The following CTNNA2 variants were observed in gnomAD, a reference collection of about 807,000 sequenced individuals.
CTNNA2 encodes catenin alpha-2.
In CTNNA2, 42 loss-of-function variants were observed where a neutral mutation model predicts 101.0. The ratio of observed to expected loss-of-function variants is 0.42; its 90% CI spans 0.32 to 0.54. The LOEUF (loss-of-function observed/expected upper bound fraction) is 0.54. CTNNA2 is among the 20% of genes least tolerant of loss of function. The probability of loss-of-function intolerance (pLI) is 0.14; values close to 1 mark genes in which losing one functional copy is unlikely to be tolerated. For synonymous variants in CTNNA2, 450 were observed against 456.4 expected (o/e 0.99, Z 0.18); for missense variants, 871 against 1,223.1 (o/e 0.71, Z 4.29).
At chr2:80,577,114 A>G (rs1173867748) in intron 13 of CTNNA2, among the ~76,000 whole-genome samples, 2 of 152,132 alleles carry the variant, frequency 1.3e-5, no homozygotes, top group East Asian at 1.9e-4. Context: ...TTATTCATTT[A>G]TTTGCTGAAA....
At chr2:80,163,523 G>A (rs1291835069) in intron 7 of CTNNA2, among the ~76,000 whole-genome samples, 1 of 152,030 alleles carries the variant, frequency 6.6e-6, no homozygotes, top group African/African-American at 2.4e-5. Flanking sequence ...TATGACCCAG[G>A]ATATGGTATA....
At chr2:79,471,904 A>T (rs553194485) in intron 4 of CTNNA2, among the ~76,000 whole-genome samples, 5 of 152,206 alleles carry the variant, frequency 3.3e-5, no homozygotes, top group African/African-American at 1.2e-4. Flanking sequence ...ATTGAATTTG[A>T]CCCTGGCCCC....
At chr2:80,371,329 A>G (rs1180822898) in intron 7 of CTNNA2, among the ~76,000 whole-genome samples, 1 of 152,226 alleles carries the variant, frequency 6.6e-6, no homozygotes, top group Non-Finnish European at 1.5e-5. Flanking sequence ...ACATTTACCC[A>G]TAGCAGTCAT....
At chr2:80,551,515 C>T (rs764279044) in intron 11 of CTNNA2, among the ~76,000 whole-genome samples, 35 of 152,220 alleles carry the variant, frequency 2.3e-4, no homozygotes, top group Non-Finnish European at 3.8e-4. Flanking sequence ...GATAACTTGG[C>T]ACAGGTTCTA....
chr2:79,434,592 G>T (rs1483385282), intron 4 of CTNNA2, among the ~76,000 whole-genome samples: 1 of 152,186 alleles, frequency 6.6e-6, no homozygotes, highest in Non-Finnish European at 1.5e-5. Flanking sequence ...TGAGGCTGGA[G>T]GGGCAAGGTC....
chr2:79,531,050 T>G (rs1474671072), intron 1 of CTNNA2, among the ~76,000 whole-genome samples: 1 of 151,846 alleles, frequency 6.6e-6, no homozygotes, highest in Non-Finnish European at 1.5e-5. Context: ...AAAGAAGATG[T>G]CAGTTATGCT....
intron 3 of CTNNA2, among the ~76,000 whole-genome samples, chr2:79,756,493 G>A (rs1234176549): frequency 1.3e-5 from 2 of 151,944 alleles, no homozygotes; most frequent in East Asian, 3.9e-4. Context: ...TATTAAACAG[G>A]GTGATGATTA....
chr2:79,269,519 C>T lies in CTNNA2; in HGVS notation c.-405-43190C>T, dbSNP rs12624029. ...TAGAACAGAATTTCTGAAGGCATAG[C>T]TTTGGAATCTGTACTTTTAAAAAAC... On this transcript the variant is annotated intron_variant, in intron 2 of 21. Transcript: ENST00000466387. 3.0e-3 allele frequency among the ~76,000 whole-genome samples: 450 copies of T among 152,250 alleles called. 12 individuals are homozygous for T. The East Asian group carries it at 0.061, about 21-fold the overall frequency.
At chr2:80,425,599 C>T (rs2149416609) in intron 9 of CTNNA2, among the ~76,000 whole-genome samples, 1 of 152,172 alleles carries the variant, frequency 6.6e-6, no homozygotes, top group African/African-American at 2.4e-5. Flanking sequence ...AAGAATCATT[C>T]ATAAATATGT....
chr2:79,333,408 A>C (rs1372350831), intron 3 of CTNNA2, among the ~76,000 whole-genome samples: 1 of 152,210 alleles, frequency 6.6e-6, no homozygotes, highest in Admixed American at 6.5e-5. Flanking sequence ...CAAATCTAGA[A>C]AAGAAGTAAA....
chr2:79,493,913 A>G (rs1185400868), intron 4 of CTNNA2: 2 of 152,160 alleles, frequency 1.3e-5, no homozygotes, highest in Non-Finnish European at 2.9e-5. Flanking sequence ...TAAAAGTTAA[A>G]ACAATTAAAA....
intron 7 of CTNNA2, among the ~76,000 whole-genome samples, chr2:80,021,973 A>G (rs1694595684): frequency 6.6e-6 from 1 of 152,246 alleles, no homozygotes; most frequent in Non-Finnish European, 1.5e-5. Context: ...TGAACAAAAT[A>G]TTCCCCACCT....
At chr2:80,415,247 C>T (rs1679938233) in intron 8 of CTNNA2, among the ~76,000 whole-genome samples, 1 of 152,142 alleles carries the variant, frequency 6.6e-6, no homozygotes, top group African/African-American at 2.4e-5. Flanking sequence ...CAACTCAAAG[C>T]ACCTCTATCT....
intron 7 of CTNNA2, among the ~76,000 whole-genome samples, chr2:80,044,096 C>T (rs1373848683): frequency 6.6e-6 from 1 of 152,154 alleles, no homozygotes; most frequent in Non-Finnish European, 1.5e-5. Flanking sequence ...AACAGGATTT[C>T]TGACTCAATT....
intron 2 of CTNNA2, among the ~76,000 whole-genome samples, chr2:79,249,986 A>G (rs1340764181): frequency 2.0e-5 from 3 of 152,148 alleles, no homozygotes; most frequent in Non-Finnish European, 2.9e-5. Flanking sequence ...TATCAGCTAC[A>G]TTTGCTACTG....
At chr2:80,571,157 T>G (rs980582343) in intron 12 of CTNNA2, among the ~76,000 whole-genome samples, 1 of 152,186 alleles carries the variant, frequency 6.6e-6, no homozygotes, top group Non-Finnish European at 1.5e-5. Flanking sequence ...CCCCTTTATA[T>G]TCGAGAAAGG....
intron 9 of CTNNA2, among the ~76,000 whole-genome samples, chr2:80,526,634 C>T (rs954762325): frequency 6.6e-6 from 1 of 152,100 alleles, no homozygotes; most frequent in African/African-American, 2.4e-5. Context: ...TGCCGGGCCT[C>T]TCTGTGCCTC....
intron 2 of CTNNA2, among the ~76,000 whole-genome samples, chr2:79,250,456 G>T (rs1674755741): frequency 6.6e-6 from 1 of 152,104 alleles, no homozygotes; most frequent in African/African-American, 2.4e-5. Context: ...CAGCTGAGGT[G>T]CCAGGATCAG....
intron 7 of CTNNA2, among the ~76,000 whole-genome samples, chr2:80,391,698 C>T (rs533823233): frequency 7.2e-5 from 11 of 152,368 alleles, no homozygotes; most frequent in African/African-American, 2.6e-4. Context: ...TGAAGTCACA[C>T]TCACTGCACA....
Sources: allele counts gnomAD v4.1 joint callset (sites outside exome capture counted in the v4.1 genomes callset), GRCh38; gene constraint gnomAD v4.1.1; transcripts MANE v1.5; gene names NCBI Gene and HGNC (gene_info 2026-07-23, HGNC 2026-07-21).